Variants in PAN3 observed in about 807,000 individuals in gnomAD.
PAN3 encodes poly(A) specific ribonuclease subunit PAN3.
PAN3 carries 19 observed loss-of-function variants against 96.2 expected under a neutral mutation model. The observed-to-expected ratio is 0.20, with a 90% confidence interval of 0.14 to 0.29. The LOEUF (loss-of-function observed/expected upper bound fraction) is 0.29, where lower values mean the gene tolerates loss of function less well. PAN3 is among the 10% of genes least tolerant of loss of function. The pLI, the probability that PAN3 is intolerant of heterozygous loss-of-function variation, is 1.00. For synonymous variants in PAN3, 433 were observed against 406.6 expected, an observed-to-expected ratio of 1.06 and a Z score of -0.78; for missense variants, 882 against 1,108.1, an observed-to-expected ratio of 0.80 and a Z score of 2.90.
chr13:28,225,682 T>C (rs1881921129), intron 6 of PAN3, among the ~76,000 whole-genome samples: 1 of 152,230 alleles, frequency 6.6e-6, no homozygotes, highest in African/African-American at 2.4e-5. Context: ...AAACTCAGTC[T>C]TCTGCTAAAC....
At chr13:28,151,585 AGAT>A (rs1357102150) in intron 1 of PAN3, among the ~76,000 whole-genome samples, 1 of 152,094 alleles carries the variant, frequency 6.6e-6, no homozygotes, top group African/African-American at 2.4e-5. Context: ...ATCCAGCAAG[AGAT>A]GATGAGATGA....
chr13:28,250,262 A>G lies in PAN3; in HGVS notation c.1001-6030A>G, dbSNP rs1257827636. Among the ~76,000 whole-genome samples the G allele has an allele frequency of 7.3e-5, 11 of 151,504 alleles. No individual in the cohort carries two copies. The South Asian group carries it at 8.3e-4, about 11-fold the overall frequency. On this transcript the variant is annotated intron_variant, in intron 6 of 18. Coordinates refer to ENST00000380958, the MANE Select transcript of PAN3 (RefSeq NM_175854.8). ...CAGGCCTGAGTGCAGTGGCACGATC[A>G]TAGCTCGCTTTACCATTTTCCTCCC... is the stretch of plus-strand genomic sequence containing the variant.
At chr13:28,200,700 G>A (rs540304604) in intron 5 of PAN3, among the ~76,000 whole-genome samples, 3 of 152,328 alleles carry the variant, frequency 2.0e-5, no homozygotes, top group Non-Finnish European at 4.4e-5. Context: ...TAGAGAAACA[G>A]AGAAGCTTAA....
intron 2 of PAN3, among the ~76,000 whole-genome samples, 156 bp downstream of exon 2, chr13:28,174,549 T>C (rs1234715055): frequency 6.6e-6 from 1 of 152,012 alleles, no homozygotes; most frequent in African/African-American, 2.4e-5. Context: ...TCCCATGGGG[T>C]TGGAGTTAAT....
chr13:28,252,188 C>CT (rs10545190), intron 6 of PAN3, among the ~76,000 whole-genome samples: 2,245 of 112,486 alleles, frequency 0.02, 43 homozygotes, highest in Middle Eastern at 0.031. Flanking sequence ...GCGACGGGCC[C>CT]TTTTTTTTTT....
At chr13:28,174,440 G>T in intron 2 of PAN3, 47 bp downstream of exon 2, 1 of 1,584,314 alleles carries the variant, frequency 6.3e-7, no homozygotes, top group Non-Finnish European at 8.6e-7. Context: ...TTATTCTAGG[G>T]CCAGAGGACA....
In PAN3 at chr13:28,288,436, A is replaced by AT. The variant is rs1437386656; in HGVS notation, c.2523+316dup. Among the ~76,000 whole-genome samples the AT allele has an allele frequency of 6.6e-5, 10 of 152,160 alleles. No homozygotes were observed. In the South Asian group the frequency reaches 2.1e-3, roughly 32 times the overall value. ...TGCCTGAGCCTCCCGAGTAGCTAGG[A>AT]TTACAGGCACCCATCACCATGCGCA... On this transcript the variant is annotated intron_variant, in intron 18 of 18. Transcript: ENST00000380958.
Position 28,280,441 on chromosome 13 carries a change from G to T in PAN3, c.2219G>T (p.Arg740Leu). The T allele has an allele frequency of 6.2e-7, 1 of 1,611,760 alleles. No individual in the cohort carries two copies. The highest frequency in any genetic ancestry group is 8.5e-7 in the Non-Finnish European group (1 of 1,178,622). ...TTGTTGACTGACCAAAACAGGATGC[G>T]AAGTGTAAATGACATCATGCCCATG... ...LYLLTDQNRM[R>L]SVNDIMPMIG... The change falls in exon 16 of 19, where the codon CGA becomes CTA. Residue 740 changes from arginine (R) to leucine (L), a missense_variant. Arg to Leu is a moderately radical substitution (Grantham distance 102). This residue lies in a region of PAN3 where 364 missense variants were observed against 513.6 expected (regional missense o/e 0.71). Coordinates refer to ENST00000380958, the MANE Select transcript of PAN3 (RefSeq NM_175854.8).
intron 4 of PAN3, among the ~76,000 whole-genome samples, chr13:28,188,810 G>A (rs1457533710): frequency 1.3e-5 from 2 of 152,154 alleles, no homozygotes; most frequent in Non-Finnish European, 2.9e-5. Flanking sequence ...GCATTTTGGA[G>A]ATGGTGCTGT....
intron 6 of PAN3, among the ~76,000 whole-genome samples, chr13:28,241,138 G>A (rs1009267621): frequency 2.0e-5 from 3 of 152,080 alleles, no homozygotes. Context: ...GCATGTGCTG[G>A]TGATCCAAGC....
intron 12 of PAN3, 48 bp downstream of exon 12, chr13:28,267,449 C>T: frequency 6.9e-7 from 1 of 1,442,768 alleles, no homozygotes; most frequent in South Asian, 1.2e-5. Context: ...TGCTTTTGCT[C>T]TGTGGAAGAG....
chr13:28,189,534 C>CAA (rs201910780), intron 4 of PAN3, among the ~76,000 whole-genome samples: 14 of 140,254 alleles, frequency 1.0e-4, no homozygotes, highest in African/African-American at 3.4e-4. Context: ...AAAAACAAAA[C>CAA]AAAACAAAAA....
At chr13:28,209,381 C>T (rs900761586) in intron 5 of PAN3, among the ~76,000 whole-genome samples, 3 of 152,248 alleles carry the variant, frequency 2.0e-5, no homozygotes, top group African/African-American at 7.2e-5. Context: ...CCCCCATTCC[C>T]TCTCAGGCAT....
chr13:28,199,080 A>G (rs1186368562), intron 5 of PAN3, among the ~76,000 whole-genome samples: 1 of 152,172 alleles, frequency 6.6e-6, no homozygotes, highest in Non-Finnish European at 1.5e-5. Context: ...AGTTTTTTTA[A>G]CTGAATTTGC....
At chr13:28,220,014 C>G (rs955072750) in intron 5 of PAN3, among the ~76,000 whole-genome samples, 1 of 152,116 alleles carries the variant, frequency 6.6e-6, no homozygotes, top group Non-Finnish European at 1.5e-5. Context: ...GGTTAAAATT[C>G]TGCAAATGAA....
chr13:28,245,926 G>A (rs1006707942), intron 6 of PAN3, among the ~76,000 whole-genome samples: 2 of 152,126 alleles, frequency 1.3e-5, no homozygotes, highest in Non-Finnish European at 2.9e-5. Flanking sequence ...TCAGTTGATA[G>A]ACATTTGGAT....
At chr13:28,272,120 C>T (rs912809137) in intron 14 of PAN3, 49 bp downstream of exon 14, 27 of 1,320,352 alleles carry the variant, frequency 2.0e-5, no homozygotes, top group Non-Finnish European at 2.8e-5. Flanking sequence ...TTATTAAAGA[C>T]AAATTTTGTT....
At chr13:28,155,949 A>G (rs1872100496) in intron 1 of PAN3, among the ~76,000 whole-genome samples, 2 of 152,142 alleles carry the variant, frequency 1.3e-5, no homozygotes, top group Admixed American at 1.3e-4. Context: ...GTGGTACCAG[A>G]TAATAAGCTG....
chr13:28,144,389 G>C (rs1301086457), intron 1 of PAN3, among the ~76,000 whole-genome samples: 2 of 151,426 alleles, frequency 1.3e-5, no homozygotes, highest in Non-Finnish European at 2.9e-5. Context: ...TAATTTTTTT[G>C]TATTTTTAGT....
Sources: allele counts gnomAD v4.1 joint callset (sites outside exome capture counted in the v4.1 genomes callset), GRCh38; gene constraint gnomAD v4.1.1; regional missense constraint gnomAD v4.1.1; transcripts MANE v1.5; gene names NCBI Gene and HGNC (gene_info 2026-07-23, HGNC 2026-07-21).